The following GRIP1 variants were observed in gnomAD, a reference collection of about 807,000 sequenced individuals.
GRIP1 encodes glutamate receptor interacting protein 1.
GRIP1 carries 45 observed loss-of-function variants against 129.9 expected under a neutral mutation model. The ratio of observed to expected loss-of-function variants is 0.35; its 90% CI spans 0.27 to 0.44. GRIP1 has a LOEUF of 0.44. GRIP1 is among the 20% of genes least tolerant of loss of function. The pLI is 1.00. For synonymous variants in GRIP1, 530 were observed against 520.8 expected (o/e 1.02, Z -0.24); for missense variants, 1,196 against 1,396.8 (o/e 0.86, Z 2.29).
chr12:66,364,415 A>C (rs1437174081), intron 23 of GRIP1, among the ~76,000 whole-genome samples: 1 of 152,140 alleles, frequency 6.6e-6, no homozygotes, highest in African/African-American at 2.4e-5. Flanking sequence ...TGGGTCCTGC[A>C]AACCTCCTTC....
At chr12:66,627,423 T>G (rs1036142968) in intron 1 of GRIP1, among the ~76,000 whole-genome samples, 4 of 152,224 alleles carry the variant, frequency 2.6e-5, no homozygotes, top group African/African-American at 9.6e-5. Context: ...ATCCACAGTA[T>G]GTATTGAATA....
At chr12:66,971,615 G>A (rs1474719448) in intron 1 of GRIP1, among the ~76,000 whole-genome samples, 1 of 152,032 alleles carries the variant, frequency 6.6e-6, no homozygotes, top group Non-Finnish European at 1.5e-5. Context: ...TTCTAGTGAG[G>A]GAGACAGAAA....
In GRIP1 at chr12:66,558,353, T is replaced by C. The variant is rs546732790; in HGVS notation, c.137-16403A>G. 8.5e-5 allele frequency among the ~76,000 whole-genome samples: 13 copies of C among 152,192 alleles called. No individual in the cohort carries two copies. The East Asian group carries it at 2.5e-3, about 29-fold the overall frequency. On this transcript the variant is annotated intron_variant, in intron 2 of 24. Transcript: ENST00000359742. ...GAGCCAAGCAAAAAGGAAAACCTCT[T>C]ATAAAATCATCAGATCCTGTAAGAC...
At chr12:66,597,933 C>T (rs2064118989) in intron 1 of GRIP1, among the ~76,000 whole-genome samples, 1 of 152,024 alleles carries the variant, frequency 6.6e-6, no homozygotes, top group African/African-American at 2.4e-5. Context: ...GAATAAGATG[C>T]ACATGGCTTG....
At chr12:66,617,085 T>TTGTGTG (rs71436017) in intron 1 of GRIP1, among the ~76,000 whole-genome samples, 4,232 of 135,470 alleles carry the variant, frequency 0.031, 94 homozygotes, top group African/African-American at 0.057. Context: ...AACAGACGTT[T>TTGTGTG]TGTGTGTGTG....
At chr12:66,438,669 T>C (rs915483162) in intron 13 of GRIP1, among the ~76,000 whole-genome samples, 2 of 152,088 alleles carry the variant, frequency 1.3e-5, no homozygotes, top group Non-Finnish European at 2.9e-5. Flanking sequence ...CTAATTTTTA[T>C]ATTTTTAGTA....
intron 2 of GRIP1, among the ~76,000 whole-genome samples, chr12:66,558,526 C>A (rs1413633591): frequency 6.6e-6 from 1 of 151,918 alleles, no homozygotes; most frequent in Non-Finnish European, 1.5e-5. Flanking sequence ...ATATGAGGAC[C>A]ATTAGAGATT....
At chr12:66,477,359 C>T (rs1453594252) in intron 7 of GRIP1, among the ~76,000 whole-genome samples, 1 of 151,876 alleles carries the variant, frequency 6.6e-6, no homozygotes, top group African/African-American at 2.4e-5. Context: ...CTACAAACCA[C>T]TGCTCAATGA....
rs1368331169 is a variant in GRIP1 at position 66,993,927 on chromosome 12, T to C, written c.58+75123A>G. On this transcript the variant is annotated intron_variant, in intron 1 of 1. Transcript: ENST00000643019. ...TAATTTAGATTAAATGGACAAATTC[T>C]TAGAAAGATACATACTACCAAAACT... Among the ~76,000 whole-genome samples the C allele has an allele frequency of 2.0e-5, 3 of 152,144 alleles. 1 individual carries two copies. The highest frequency in any genetic ancestry group is 1.3e-4 in the Admixed American group (2 of 15,264).
chr12:66,846,003 T>C (rs79364698), intron 1 of GRIP1, among the ~76,000 whole-genome samples: 8,244 of 152,238 alleles, frequency 0.054, 310 homozygotes, highest in African/African-American at 0.1. Flanking sequence ...GCATCACACA[T>C]TGTGCTTCTG....
chr12:66,515,210 T>C (rs776677531), intron 7 of GRIP1, among the ~76,000 whole-genome samples: 3 of 152,124 alleles, frequency 2.0e-5, no homozygotes, highest in Non-Finnish European at 2.9e-5. Context: ...GCTGGCTTTG[T>C]ACTGTGAAGT....
chr12:67,028,100 C>A (rs1230768588), intron 1 of GRIP1, among the ~76,000 whole-genome samples: 1 of 152,210 alleles, frequency 6.6e-6, no homozygotes, highest in Non-Finnish European at 1.5e-5. Flanking sequence ...CCAACAATAT[C>A]TTCCAGGGGG....
intron 23 of GRIP1, among the ~76,000 whole-genome samples, chr12:66,363,164 TACACACAC>T (rs1422413734): frequency 9.8e-6 from 1 of 102,556 alleles, no homozygotes; most frequent in South Asian, 3.2e-4. Context: ...TACATATATA[TACACACAC>T]ATATATGTAT....
intron 1 of GRIP1, among the ~76,000 whole-genome samples, chr12:66,670,420 TAAC>T (rs1402234255): frequency 2.6e-5 from 4 of 152,136 alleles, no homozygotes; most frequent in African/African-American, 9.7e-5. Flanking sequence ...CTTGAAGACT[TAAC>T]AAAATGATCC....
intron 1 of GRIP1, among the ~76,000 whole-genome samples, chr12:67,022,702 T>C (rs2042885895): frequency 6.6e-6 from 1 of 152,058 alleles, no homozygotes; most frequent in East Asian, 1.9e-4. Context: ...GTTGAGTATC[T>C]TTTTTTTATT....
chr12:66,770,541 G>A (rs570249730), intron 1 of GRIP1, among the ~76,000 whole-genome samples: 19 of 152,146 alleles, frequency 1.2e-4, no homozygotes, highest in African/African-American at 4.3e-4. Flanking sequence ...GCAAGCTGAC[G>A]GTCACCGCTG....
At chr12:66,568,938 C>A in intron 2 of GRIP1, 1 of 523,656 alleles carries the variant, frequency 1.9e-6, no homozygotes, top group South Asian at 1.4e-5. Flanking sequence ...TTGTGCTGAT[C>A]ACAGGTTCCC....
intron 1 of GRIP1, among the ~76,000 whole-genome samples, chr12:66,770,181 T>C (rs563901272): frequency 1.3e-5 from 2 of 152,354 alleles, no homozygotes; most frequent in South Asian, 4.1e-4. Flanking sequence ...ATGTGAGTTT[T>C]TGTTTTCATT....
At chr12:66,584,761 G>T (rs1246243936) in intron 2 of GRIP1, among the ~76,000 whole-genome samples, 1 of 152,068 alleles carries the variant, frequency 6.6e-6, no homozygotes, top group African/African-American at 2.4e-5. Flanking sequence ...ATACTGCACT[G>T]CAGGGTAATA....
Sources: allele counts gnomAD v4.1 joint callset (sites outside exome capture counted in the v4.1 genomes callset), GRCh38; gene constraint gnomAD v4.1.1; transcripts MANE v1.5; gene names NCBI Gene and HGNC (gene_info 2026-07-23, HGNC 2026-07-21).